FBXL18: variants seen among roughly 807,000 people sequenced by gnomAD.
The protein encoded by FBXL18 is F-box/LRR-repeat protein 18.
In FBXL18, 36 loss-of-function variants were observed where a neutral mutation model predicts 46.0. The observed-to-expected ratio is 0.78, with a 90% CI of 0.60 to 1.03. FBXL18 has a LOEUF of 1.03. FBXL18 is among the 50% of genes least tolerant of loss of function. The probability of loss-of-function intolerance (pLI) is 0.00; values close to 1 mark genes in which losing one functional copy is unlikely to be tolerated. For synonymous variants in FBXL18, 557 were observed against 465.3 expected (o/e 1.20, Z -2.54); for missense variants, 977 against 1,004.1 (o/e 0.97, Z 0.36).
intron 4 of FBXL18, among the ~76,000 whole-genome samples, chr7:5,464,830 G>C (rs552593757): frequency 6.6e-6 from 1 of 150,956 alleles, no homozygotes; most frequent in African/African-American, 2.4e-5. Context: ...TTGGGAGGCC[G>C]AGGTGGGCAA....
intron 4 of FBXL18, among the ~76,000 whole-genome samples, chr7:5,454,493 T>G (rs1272937458): frequency 6.6e-6 from 1 of 152,214 alleles, no homozygotes; most frequent in African/African-American, 2.4e-5. Context: ...GTGTTATTTT[T>G]TTTTTCTCAC....
intron 3 of FBXL18, chr7:5,495,873 C>A (rs546599623): frequency 2.5e-5 from 12 of 480,118 alleles, no homozygotes; most frequent in Admixed American, 1.6e-4. Context: ...CAGTACCCAG[C>A]TCAGAGCAGA....
intron 4 of FBXL18, among the ~76,000 whole-genome samples, chr7:5,482,585 G>A (rs1391578334): frequency 6.8e-6 from 1 of 147,018 alleles, no homozygotes; most frequent in Non-Finnish European, 1.5e-5. Context: ...TGCCCACCGA[G>A]TGCCAGACGC....
intron 3 of FBXL18, among the ~76,000 whole-genome samples, chr7:5,494,830 GC>G (rs1380807272): frequency 7.2e-5 from 11 of 152,314 alleles, no homozygotes; most frequent in Non-Finnish European, 1.3e-4. Flanking sequence ...GCCCCAGATC[GC>G]CCCGAGCCTC....
At chr7:5,474,626 A>G (rs1446640191), downstream of FBXL18, among the ~76,000 whole-genome samples, 1 of 125,626 alleles carries the variant, frequency 8.0e-6, no homozygotes, top group Non-Finnish European at 1.7e-5. Flanking sequence ...TGAACTATGC[A>G]CTTTATTTTA....
chr7:5,500,475 G>A lies in FBXL18; in HGVS notation c.1781+13C>T, dbSNP rs953047489. ...TCCAGCAGAGGCCCGAGAGGTCCCC[G>A]CGGCCCCCTCACCTGAGGTCCCTCA... is the stretch of plus-strand genomic sequence containing the variant. On this transcript the variant is annotated intron_variant, in intron 3 of 4. Coordinates refer to ENST00000382368, the MANE Select transcript of FBXL18 (RefSeq NM_024963.6). 4 of 1,580,268 alleles carry A rather than the reference G, an allele frequency of 2.5e-6. No individual in the cohort carries two copies. The African/African-American group carries it at 4.0e-5, about 16-fold the overall frequency.
At chr7:5,506,966 A>G (rs945110284) in intron 1 of FBXL18, among the ~76,000 whole-genome samples, 2 of 152,140 alleles carry the variant, frequency 1.3e-5, no homozygotes, top group African/African-American at 4.8e-5. Flanking sequence ...GAAGAGGGAG[A>G]AGAGCTGGAC....
intron 4 of FBXL18, among the ~76,000 whole-genome samples, chr7:5,490,767 C>T (rs1017788469): frequency 2.0e-5 from 3 of 152,286 alleles, no homozygotes; most frequent in Admixed American, 2.0e-4. Context: ...GAGTTCGAGA[C>T]CAGCCTGACC....
intron 3 of FBXL18, among the ~76,000 whole-genome samples, chr7:5,492,300 G>A (rs1035964109): frequency 6.6e-6 from 1 of 151,514 alleles, no homozygotes; most frequent in Admixed American, 6.6e-5. Context: ...ATGTGGCGCT[G>A]CTGAGGACAG....
rs987268062 is a variant in FBXL18 at position 5,485,764 on chromosome 7, G to T, written c.2001-3833C>A. On this transcript the variant is annotated intron_variant, in intron 4 of 4. Transcript: ENST00000382368. ...CTCTACTAAAAATTCAAAATTAGCCGGGTGTGGCCGGGCGCGGTGGCTCAA... is the reference window on the plus strand; with the variant it reads ...CTCTACTAAAAATTCAAAATTAGCCTGGTGTGGCCGGGCGCGGTGGCTCAA... Among the ~76,000 whole-genome samples the T allele has an allele frequency of 2.0e-5, 3 of 152,060 alleles. No individual in the cohort carries two copies. In the South Asian group the frequency reaches 6.2e-4, roughly 32 times the overall value.
At chr7:5,511,538 A>AAGCGGGAAGCG (rs67418542) in intron 1 of FBXL18, among the ~76,000 whole-genome samples, 3 of 151,380 alleles carry the variant, frequency 2.0e-5, no homozygotes, top group Non-Finnish European at 4.4e-5. Flanking sequence ...CCTGGGAAGC[A>AAGCGGGAAGCG]GAGGTTGCAG....
chr7:5,490,664 A>G (rs1232175285), intron 4 of FBXL18, among the ~76,000 whole-genome samples: 1 of 152,216 alleles, frequency 6.6e-6, no homozygotes, highest in Non-Finnish European at 1.5e-5. Flanking sequence ...TGAAAAATCC[A>G]GAGTTAAAGA....
intron 4 of FBXL18, among the ~76,000 whole-genome samples, chr7:5,466,752 C>T (rs1045390739): frequency 5.3e-5 from 8 of 152,282 alleles, no homozygotes; most frequent in African/African-American, 1.9e-4. Context: ...CCAGCCAAGG[C>T]CTGGGCAGGA....
chr7:5,512,345 T>C (rs1359644322), intron 1 of FBXL18, among the ~76,000 whole-genome samples: 1 of 145,992 alleles, frequency 6.8e-6, no homozygotes, highest in Admixed American at 6.9e-5. Flanking sequence ...CTGGGTGCTG[T>C]GGCTCACGCC....
intron 4 of FBXL18, among the ~76,000 whole-genome samples, chr7:5,463,778 T>C (rs1419510658): frequency 7.1e-6 from 1 of 140,870 alleles, no homozygotes; most frequent in African/African-American, 2.7e-5. Flanking sequence ...TCTCGCTCTG[T>C]CGCCCAGGCT....
chr7:5,490,150 G>T (rs749575314), intron 4 of FBXL18: 22 of 1,358,494 alleles, frequency 1.6e-5, no homozygotes, highest in Non-Finnish European at 2.2e-5. Context: ...AGACGTCCTG[G>T]CTGATGGCTC....
In FBXL18 at chr7:5,481,763, C is replaced by T. The variant is rs534317809; in HGVS notation, c.*12G>A. 70 of 1,612,786 alleles carry T rather than the reference C, an allele frequency of 4.3e-5. No individual in the cohort carries two copies. The highest frequency in any genetic ancestry group is 6.7e-5 in the East Asian group (3 of 44,864). ...CGAGGTGACTGAGACCGATGGGCGG[C>T]GGCTCCGCCTCTCACCACCACAGGT... On this transcript the variant is annotated 3_prime_UTR_variant, in exon 5 of 5. Transcript: ENST00000382368.
In FBXL18 at chr7:5,496,253, C is replaced by G. The variant is rs1784077934; in HGVS notation, c.1781+4235G>C. On this transcript the variant is annotated intron_variant, in intron 3 of 4. Transcript: ENST00000382368. This position sits in a 1 kb window ranked among gnomAD's most constrained non-coding sequence, Gnocchi z 4.8. ...TCAAAGGGGTCAAGACCTGTACACC[C>G]ATGAAAAGCACCTGGCAGAGGTCAC... Among the ~76,000 whole-genome samples, 1 of 152,180 alleles carries G rather than the reference C, an allele frequency of 6.6e-6. No homozygotes were observed. Among genetic ancestry groups the G allele is most frequent in the Non-Finnish European group, 1.5e-5 (1 of 68,026 alleles).
intron 1 of FBXL18, among the ~76,000 whole-genome samples, chr7:5,505,872 C>G (rs1005065121): frequency 6.6e-6 from 1 of 152,312 alleles, no homozygotes; most frequent in Non-Finnish European, 1.5e-5. Context: ...GTGTTTATTT[C>G]TTTTGTTGTG....
Sources: allele counts gnomAD v4.1 joint callset (sites outside exome capture counted in the v4.1 genomes callset), GRCh38; gene constraint gnomAD v4.1.1; non-coding constraint Gnocchi (gnomAD v3.1); transcripts MANE v1.5; gene names NCBI Gene and HGNC (gene_info 2026-07-23, HGNC 2026-07-21).